Variants in GRHL2 observed in about 807,000 individuals in gnomAD.
GRHL2 encodes grainyhead-like protein 2 homolog.
GRHL2 carries 21 observed loss-of-function variants against 83.8 expected under a neutral mutation model. The observed-to-expected ratio is 0.25, with a 90% CI of 0.18 to 0.36. The LOEUF is 0.36. GRHL2 is among the 10% of genes least tolerant of loss of function. The pLI, the probability that GRHL2 is intolerant of heterozygous loss-of-function variation, is 1.00. For synonymous variants in GRHL2, 280 were observed against 278.9 expected, an observed-to-expected ratio of 1.00 and a Z score of -0.04; for missense variants, 623 against 781.8, an observed-to-expected ratio of 0.80 and a Z score of 2.42.
At chr8:101,546,963 C>A (rs1317335422) in intron 2 of GRHL2, among the ~76,000 whole-genome samples, 1 of 152,194 alleles carries the variant, frequency 6.6e-6, no homozygotes, top group Non-Finnish European at 1.5e-5. Context: ...TTAATATTTC[C>A]AAGACTGTGT....
At chr8:101,553,531 CCT>C (rs1415405691) in intron 3 of GRHL2, among the ~76,000 whole-genome samples, 1 of 152,134 alleles carries the variant, frequency 6.6e-6, no homozygotes. Flanking sequence ...GGGTGAATCC[CCT>C]CTCTTTAGCC....
At chr8:101,612,943 A>G (rs1812782103) in intron 8 of GRHL2, among the ~76,000 whole-genome samples, 1 of 150,974 alleles carries the variant, frequency 6.6e-6, no homozygotes, top group African/African-American at 2.5e-5. Context: ...TGGGCGATGA[A>G]GAGAGGAGAA....
At chr8:101,570,281 T>A in intron 4 of GRHL2, 58 bp from the exon 5 acceptor site, 1 of 1,232,722 alleles carries the variant, frequency 8.1e-7, no homozygotes, top group South Asian at 1.2e-5. Flanking sequence ...TTTATTATTA[T>A]CATTTTTGCA....
At position 101,664,474 on chromosome 8, in the gene GRHL2, G is replaced by T; in HGVS notation, c.1719G>T (p.Leu573=). ...TACAGATATCTGAGAAATATGGGCTGCCCGTGGAGAAGATAGCAAAGCTTT... is the reference window on the plus strand; with the variant it reads ...TACAGATATCTGAGAAATATGGGCTTCCCGTGGAGAAGATAGCAAAGCTTT... The part of the protein sequence containing the change: ...LMEAISEKYG[L]PVEKIAKLYK... Residue 573 remains leucine, a synonymous_variant, in exon 15 of 16, where the codon CTG becomes CTT. Transcript: ENST00000646743. 6.2e-7 allele frequency: 1 copy of T among 1,613,738 alleles called. No individual in the cohort carries two copies. The highest frequency in any genetic ancestry group is 1.1e-5 in the South Asian group (1 of 91,052).
At chr8:101,529,777 C>T (rs1053680432) in intron 1 of GRHL2, among the ~76,000 whole-genome samples, 3 of 152,142 alleles carry the variant, frequency 2.0e-5, no homozygotes, top group Admixed American at 6.5e-5. Context: ...AGACTGAAGA[C>T]CTTTCAGCCC....
intron 13 of GRHL2, among the ~76,000 whole-genome samples, chr8:101,644,496 G>T (rs1262609311): frequency 6.6e-6 from 1 of 152,228 alleles, no homozygotes; most frequent in Non-Finnish European, 1.5e-5. Flanking sequence ...AAGGTACAAG[G>T]TTAAGAACGA....
At chr8:101,558,344 T>C (rs1811529319) in intron 3 of GRHL2, 75 bp from the exon 4 acceptor site, 1 of 1,529,090 alleles carries the variant, frequency 6.5e-7, no homozygotes, top group South Asian at 1.1e-5. Context: ...ATTGCCTGCA[T>C]TGGTTATTCT....
intron 3 of GRHL2, among the ~76,000 whole-genome samples, chr8:101,555,718 T>G (rs998445969): frequency 3.3e-5 from 5 of 152,372 alleles, no homozygotes; most frequent in African/African-American, 9.6e-5. Flanking sequence ...CTTGTGATTT[T>G]ACTCCTTAGG....
intron 2 of GRHL2, among the ~76,000 whole-genome samples, chr8:101,550,541 G>A (rs939472432): frequency 9.2e-5 from 14 of 152,206 alleles, no homozygotes; most frequent in South Asian, 2.1e-4. Flanking sequence ...CTATTTTTAC[G>A]TCTGTGGGGT....
intron 1 of GRHL2, chr8:101,529,209 C>T (rs1204455552): frequency 2.7e-5 from 7 of 255,380 alleles, no homozygotes; most frequent in East Asian, 1.4e-4. Flanking sequence ...CCAAGGTGGG[C>T]GGATCATGAG....
the GRHL2 span, among the ~76,000 whole-genome samples, chr8:101,675,710 T>A: frequency 2.0e-5 from 3 of 152,160 alleles, no homozygotes; most frequent in South Asian, 6.3e-4. Context: ...AAAAAACTAC[T>A]TTAAAGTTCA....
chr8:101,615,644 T>C (rs766137655), intron 8 of GRHL2, among the ~76,000 whole-genome samples: 15 of 152,220 alleles, frequency 9.9e-5, no homozygotes, highest in African/African-American at 2.7e-4. Flanking sequence ...CTGCATTTTA[T>C]ACACTCTGGC....
chr8:101,512,599 C>G (rs1029991018), intron 1 of GRHL2, among the ~76,000 whole-genome samples: 7 of 152,184 alleles, frequency 4.6e-5, no homozygotes, highest in African/African-American at 1.2e-4. Flanking sequence ...CTCAGCCACC[C>G]GAGTAGCTGG....
chr8:101,576,817 T>C (rs1192860828), intron 6 of GRHL2, among the ~76,000 whole-genome samples: 1 of 152,208 alleles, frequency 6.6e-6, no homozygotes, highest in African/African-American at 2.4e-5. Flanking sequence ...TGCATCCACT[T>C]TAGATTTAAA....
At chr8:101,531,836 G>A in intron 1 of GRHL2, among the ~76,000 whole-genome samples, 1 of 152,144 alleles carries the variant, frequency 6.6e-6, no homozygotes, top group Non-Finnish European at 1.5e-5. Context: ...GAGAGAGAGA[G>A]AGACCATGCT....
chr8:101,680,658 T>C, the GRHL2 span, among the ~76,000 whole-genome samples: 1 of 126,436 alleles, frequency 7.9e-6, no homozygotes, highest in African/African-American at 3.3e-5. Context: ...TATTCCAAAA[T>C]TGACCACATA....
At chr8:101,596,061 A>C (rs981390768) in intron 7 of GRHL2, among the ~76,000 whole-genome samples, 4 of 152,160 alleles carry the variant, frequency 2.6e-5, no homozygotes, top group Non-Finnish European at 5.9e-5. Flanking sequence ...CAGAGCTTGC[A>C]GTGAGCTGAG....
intron 3 of GRHL2, among the ~76,000 whole-genome samples, chr8:101,556,663 G>T (rs1331585446): frequency 6.6e-6 from 1 of 152,154 alleles, no homozygotes; most frequent in Admixed American, 6.5e-5. Flanking sequence ...CATAAGCCAA[G>T]CTACACCACT....
chr8:101,648,913 C>T (rs1334737667), intron 13 of GRHL2, among the ~76,000 whole-genome samples: 3 of 152,188 alleles, frequency 2.0e-5, no homozygotes, highest in African/African-American at 4.8e-5. Context: ...TGACATTTTC[C>T]TCCATAACCC....
Sources: gnomAD v4.1 joint callset for allele counts (sites outside exome capture counted in the v4.1 genomes callset) on GRCh38, gnomAD v4.1.1 for gene constraint, MANE v1.5 for transcripts, NCBI Gene and HGNC (gene_info 2026-07-23, HGNC 2026-07-21) for gene names.